The following PRKD3 variants were observed in gnomAD, a reference collection of about 807,000 sequenced individuals.
The protein encoded by PRKD3 is protein kinase D3, also known as serine/threonine-protein kinase D3.
Under a neutral mutation model 99.2 loss-of-function variants are expected in PRKD3, and 47 were observed. The observed-to-expected ratio is 0.47, with a 90% confidence interval of 0.38 to 0.60. The LOEUF is 0.60. Among genes scored for constraint, PRKD3 ranks in the 20% least tolerant of loss-of-function variants. The pLI, the probability that PRKD3 is intolerant of heterozygous loss-of-function variation, is 0.00. For synonymous variants in PRKD3, 392 were observed against 355.4 expected (o/e 1.10, Z -1.16); for missense variants, 1,019 against 1,088.4 (o/e 0.94, Z 0.90).
intron 3 of PRKD3, among the ~76,000 whole-genome samples, chr2:37,292,693 G>A (rs907847196): frequency 2.0e-5 from 3 of 151,198 alleles, no homozygotes; most frequent in Admixed American, 1.3e-4. Flanking sequence ...TTGTCCAGGC[G>A]GAAGTGCAGT....
intron 2 of PRKD3, among the ~76,000 whole-genome samples, chr2:37,300,734 CTT>C (rs1383307781): frequency 6.6e-6 from 1 of 152,170 alleles, no homozygotes; most frequent in African/African-American, 2.4e-5. Flanking sequence ...ATTCCAATCT[CTT>C]GTGAGTATGA....
rs917619158 is a variant in PRKD3 at position 37,251,504 on chromosome 2, A to C, written c.*1673T>G. On this transcript the variant is annotated 3_prime_UTR_variant, in exon 19 of 19. Coordinates refer to ENST00000234179, the MANE Select transcript of PRKD3 (RefSeq NM_005813.6). The stretch of plus-strand genomic sequence containing the variant: ...AACATAAAAGAACTTAGAACACAGG[A>C]GTACTGCATACTGTTTGCTACTATT... 9.2e-5 allele frequency: 14 copies of C among 152,596 alleles called. No individual in the cohort carries two copies. The highest frequency in any genetic ancestry group is 2.9e-4 in the African/African-American group (12 of 41,432). 9.5% of individuals were successfully genotyped at this position (152,596 alleles called of 1,614,324 possible).
intron 10 of PRKD3, among the ~76,000 whole-genome samples, chr2:37,274,911 C>T (rs1465374042): frequency 6.6e-6 from 1 of 152,150 alleles, no homozygotes. Flanking sequence ...ACTATGATAA[C>T]TAAGCCAGTA....
chr2:37,300,827 T>A (rs942463772), intron 2 of PRKD3, among the ~76,000 whole-genome samples: 2 of 152,212 alleles, frequency 1.3e-5, no homozygotes, highest in African/African-American at 4.8e-5. Flanking sequence ...CTAGGAGATT[T>A]GCTGGCTCAA....
chr2:37,303,020 C>T (rs556880713), intron 2 of PRKD3, among the ~76,000 whole-genome samples: 11 of 152,274 alleles, frequency 7.2e-5, no homozygotes, highest in East Asian at 1.9e-4. Context: ...TACCTACGGC[C>T]GGCCCCACGG....
intron 6 of PRKD3, among the ~76,000 whole-genome samples, chr2:37,283,138 T>G (rs758471291): frequency 8.5e-5 from 13 of 152,218 alleles, no homozygotes; most frequent in Non-Finnish European, 1.8e-4. Flanking sequence ...TCAGAGTTGA[T>G]AGCATTGCAG....
intron 13 of PRKD3, chr2:37,268,272 G>T: frequency 2.1e-6 from 1 of 469,334 alleles, no homozygotes; most frequent in South Asian, 1.6e-5. Context: ...GAACAAATGT[G>T]TGCATTTTTG....
At chr2:37,254,641 A>G (rs1667790591) in intron 17 of PRKD3, among the ~76,000 whole-genome samples, 1 of 152,216 alleles carries the variant, frequency 6.6e-6, no homozygotes, top group Admixed American at 6.5e-5. Flanking sequence ...AGTTGCTGAC[A>G]TATGTTAAGG....
intron 2 of PRKD3, among the ~76,000 whole-genome samples, chr2:37,304,098 A>C (rs1671053690): frequency 6.6e-6 from 1 of 152,118 alleles, no homozygotes; most frequent in Non-Finnish European, 1.5e-5. Context: ...TTTTAAACAT[A>C]AACTCGATCA....
intron 14 of PRKD3, among the ~76,000 whole-genome samples, chr2:37,266,487 G>A (rs1668851756): frequency 6.8e-6 from 1 of 146,886 alleles, no homozygotes; most frequent in African/African-American, 2.5e-5. Flanking sequence ...CACCACACCC[G>A]GCTTTTTTTT....
chr2:37,323,106 TTCTG>T (rs919776474), intron 1 of PRKD3, among the ~76,000 whole-genome samples: 5 of 151,854 alleles, frequency 3.3e-5, no homozygotes, highest in African/African-American at 1.2e-4. Flanking sequence ...ATTTATGAAG[TTCTG>T]TGTGTGTGGC....
intron 12 of PRKD3, among the ~76,000 whole-genome samples, chr2:37,271,202 A>C (rs781596019): frequency 6.6e-6 from 1 of 152,234 alleles, no homozygotes; most frequent in Non-Finnish European, 1.5e-5. Context: ...ACAATTTAAC[A>C]ATTTTCTGAC....
At chr2:37,253,466 G>GCGCTAGT (rs1165158981) in intron 18 of PRKD3, 116 bp from the exon 19 acceptor site, 2 of 795,702 alleles carry the variant, frequency 2.5e-6, no homozygotes, top group East Asian at 5.4e-5. Context: ...TAATTGACAG[G>GCGCTAGT]CGCTACTCAT....
At chr2:37,258,007 T>C (rs765037504) in intron 16 of PRKD3, among the ~76,000 whole-genome samples, 10 of 152,292 alleles carry the variant, frequency 6.6e-5, no homozygotes, top group East Asian at 3.9e-4. Flanking sequence ...AGAACACTTA[T>C]CTTGCTGCCC....
chr2:37,293,615 C>T (rs932245425), intron 2 of PRKD3, among the ~76,000 whole-genome samples: 1 of 152,184 alleles, frequency 6.6e-6, no homozygotes. Flanking sequence ...GTCGTTCCAG[C>T]GCCTTAGGAC....
chr2:37,266,882 G>GA (rs1266685197), intron 14 of PRKD3, among the ~76,000 whole-genome samples: 1 of 152,158 alleles, frequency 6.6e-6, no homozygotes, highest in African/African-American at 2.4e-5. Flanking sequence ...ATGATATTCA[G>GA]AAAGTGATCC....
chr2:37,263,870 C>G (rs1289651148), intron 14 of PRKD3, among the ~76,000 whole-genome samples: 1 of 152,110 alleles, frequency 6.6e-6, no homozygotes, highest in Non-Finnish European at 1.5e-5. Context: ...TTCTGTTAAT[C>G]ATTTTTCTTA....
At chr2:37,284,277 A>G (rs1031207544) in intron 6 of PRKD3, among the ~76,000 whole-genome samples, 1 of 152,218 alleles carries the variant, frequency 6.6e-6, no homozygotes, top group African/African-American at 2.4e-5. Flanking sequence ...ATTTTAATAA[A>G]TGAAATAGCT....
chr2:37,315,636 C>A lies in PRKD3; in HGVS notation c.288+601G>T, dbSNP rs143846348. On this transcript the variant is annotated intron_variant, in intron 2 of 18. Coordinates refer to ENST00000234179, the MANE Select transcript of PRKD3 (RefSeq NM_005813.6). ...TTTTCTCTGAAAACAAATGAGATTT[C>A]TTATGCTGCCTTGACTCTATACAGA... is the stretch of plus-strand genomic sequence containing the variant. Among the ~76,000 whole-genome samples, 744 of 152,292 alleles carry A rather than the reference C, an allele frequency of 4.9e-3. 7 individuals are homozygous for A. The highest frequency in any genetic ancestry group is 0.017 in the African/African-American group (701 of 41,558).
Sources: allele counts gnomAD v4.1 joint callset (sites outside exome capture counted in the v4.1 genomes callset), GRCh38; gene constraint gnomAD v4.1.1; transcripts MANE v1.5; gene names NCBI Gene and HGNC (gene_info 2026-07-23, HGNC 2026-07-21).